PVT1: variants seen among roughly 807,000 people sequenced by gnomAD.
PVT1 encodes CXCR4/PVT1 fusion.
chr8:127,839,369 G>T (rs974233874), intron 2 of PVT1, among the ~76,000 whole-genome samples: 2 of 151,730 alleles, frequency 1.3e-5, no homozygotes, highest in Non-Finnish European at 2.9e-5. Context: ...GCAACAGAGG[G>T]AGACCCTACC....
intron 2 of PVT1, among the ~76,000 whole-genome samples, chr8:127,857,023 C>G (rs1263137554): frequency 6.6e-6 from 1 of 151,674 alleles, no homozygotes; most frequent in Non-Finnish European, 1.5e-5. Flanking sequence ...GTCAGAAGTT[C>G]GAGACCAGCC....
rs3041914 is a variant in PVT1 at position 128,058,378 on chromosome 8, A to ATGTGTGTGTG, written n.913-11758_913-11749dup. Among the ~76,000 whole-genome samples, 211 of 146,674 alleles carry ATGTGTGTGTG rather than the reference A, an allele frequency of 1.4e-3. 2 individuals are homozygous for ATGTGTGTGTG. The highest frequency in any genetic ancestry group is 1.6e-3 in the East Asian group (8 of 5,004). ...TGTAACTAATTAAACAAACTGATGC[A>ATGTGTGTGTG]TGTGTGTGTGTGTGTGTGTGTGTGT... On this transcript the variant is annotated intron_variant and non_coding_transcript_variant, in intron 4 of 10. Coordinates refer to ENST00000651587, the Ensembl canonical transcript of PVT1.
At chr8:127,937,572 C>CAGAGAGAGAG (rs1415361085) in intron 3 of PVT1, among the ~76,000 whole-genome samples, 5 of 99,744 alleles carry the variant, frequency 5.0e-5, no homozygotes, top group African/African-American at 1.3e-4. Flanking sequence ...CACACACACA[C>CAGAGAGAGAG]ACACACACAG....
At chr8:127,906,603 G>A (rs1047714059) in intron 3 of PVT1, among the ~76,000 whole-genome samples, 7 of 152,146 alleles carry the variant, frequency 4.6e-5, no homozygotes, top group African/African-American at 1.7e-4. Flanking sequence ...GGGGTTGAGA[G>A]GGGGATGGGG....
At chr8:127,955,326 T>G (rs1224690369) in intron 3 of PVT1, among the ~76,000 whole-genome samples, 1 of 152,224 alleles carries the variant, frequency 6.6e-6, no homozygotes, top group Non-Finnish European at 1.5e-5. Flanking sequence ...TCCAGAATTA[T>G]GAGAAAATAA....
chr8:127,844,859 G>A (rs1360163424), intron 2 of PVT1, among the ~76,000 whole-genome samples: 5 of 152,020 alleles, frequency 3.3e-5, no homozygotes, highest in Non-Finnish European at 7.4e-5. Flanking sequence ...AACTACAGGC[G>A]CCCACCACCA....
rs148647895 is a variant in PVT1, at chr8:127,875,587, TCTC to T, written n.373-14998_373-14996del. 4.2e-3 allele frequency among the ~76,000 whole-genome samples: 637 copies of T among 152,292 alleles called. 5 individuals carry two copies. The highest frequency in any genetic ancestry group is 0.015 in the African/African-American group (610 of 41,572). ...CTTGTTTTCTTTTCCATTTCCTTCT[TCTC>T]CTCTAAGGCGCTCCACATCTCCGTG... is the stretch of plus-strand genomic sequence containing the variant. On this transcript the variant is annotated intron_variant and non_coding_transcript_variant, in intron 2 of 10. Transcript: ENST00000651587.
At chr8:128,028,945 C>A (rs1813356875) in intron 4 of PVT1, among the ~76,000 whole-genome samples, 1 of 152,118 alleles carries the variant, frequency 6.6e-6, no homozygotes, top group African/African-American at 2.4e-5. Context: ...TGGGCTCAAG[C>A]AATCCTCCCA....
chr8:127,950,125 T>G (rs1028265464), intron 3 of PVT1, among the ~76,000 whole-genome samples: 6 of 152,172 alleles, frequency 3.9e-5, no homozygotes, highest in Non-Finnish European at 2.9e-5. Context: ...TCTCATTTAA[T>G]CCTTTTAATA....
In PVT1 at chr8:128,084,455, T is replaced by C. The variant is rs190070852; in HGVS notation, n.1115-12063T>C. Among the ~76,000 whole-genome samples the C allele has an allele frequency of 1.7e-3, 259 of 152,246 alleles. 1 individual carries two copies. Among genetic ancestry groups the C allele is most frequent in the African/African-American group, 6.0e-3 (249 of 41,538 alleles). On this transcript the variant is annotated intron_variant and non_coding_transcript_variant, in intron 5 of 10. Coordinates refer to ENST00000651587, the Ensembl canonical transcript of PVT1. ...TCTGACCACTCCCTCTAAAAGAGTT[T>C]CCCCCGCCCCTCATTTCCCATCATT...
intron 2 of PVT1, among the ~76,000 whole-genome samples, chr8:127,845,664 G>A (rs1188929690): frequency 1.3e-5 from 2 of 152,162 alleles, no homozygotes; most frequent in Non-Finnish European, 2.9e-5. Context: ...ATGACCCAGA[G>A]CATTCTGGAA....
chr8:127,983,388 G>C (rs1432800623), intron 3 of PVT1, among the ~76,000 whole-genome samples: 2 of 152,134 alleles, frequency 1.3e-5, no homozygotes, highest in African/African-American at 4.8e-5. Flanking sequence ...GTTTTTTTGA[G>C]AAAGGCTTTG....
chr8:127,826,052 G>A (rs886727176), intron 2 of PVT1, among the ~76,000 whole-genome samples: 1 of 131,358 alleles, frequency 7.6e-6, no homozygotes, highest in African/African-American at 3.0e-5. Flanking sequence ...TAGAGATGAG[G>A]TCTTGTTATG....
At chr8:127,981,358 A>G (rs144140695) in intron 3 of PVT1, among the ~76,000 whole-genome samples, 1 of 152,284 alleles carries the variant, frequency 6.6e-6, no homozygotes, top group Non-Finnish European at 1.5e-5. Context: ...TTGCCAGTAG[A>G]GTTCGGCATT....
At chr8:127,913,516 C>G (rs541251459) in intron 3 of PVT1, among the ~76,000 whole-genome samples, 2 of 152,264 alleles carry the variant, frequency 1.3e-5, no homozygotes, top group South Asian at 4.1e-4. Flanking sequence ...GGCAGTTAAG[C>G]CTGGGTTCTG....
At chr8:128,042,329 A>T (rs952631202) in intron 4 of PVT1, among the ~76,000 whole-genome samples, 1 of 152,218 alleles carries the variant, frequency 6.6e-6, no homozygotes, top group Non-Finnish European at 1.5e-5. Context: ...TTAGAGAAGT[A>T]TTATTTCTCT....
chr8:127,881,378 TATC>T (rs1362066277), intron 2 of PVT1, among the ~76,000 whole-genome samples: 7 of 149,458 alleles, frequency 4.7e-5, no homozygotes, highest in South Asian at 2.1e-4. Flanking sequence ...TTATTATTAT[TATC>T]ATTTGTTTTT....
At chr8:128,058,013 G>A (rs1407563846) in intron 4 of PVT1, among the ~76,000 whole-genome samples, 1 of 152,208 alleles carries the variant, frequency 6.6e-6, no homozygotes, top group Admixed American at 6.5e-5. Flanking sequence ...AGGGTAAGAG[G>A]CTGGACCCTT....
chr8:127,868,819 A>C (rs1482016413), intron 2 of PVT1, among the ~76,000 whole-genome samples: 1 of 139,422 alleles, frequency 7.2e-6, no homozygotes, highest in South Asian at 2.1e-4. Flanking sequence ...ATATATATAT[A>C]TGTATGTATT....
Sources: gnomAD v4.1 joint callset for allele counts (sites outside exome capture counted in the v4.1 genomes callset) on GRCh38, gnomAD v4.1.1 for gene constraint, MANE v1.5 for transcripts, NCBI Gene and HGNC (gene_info 2026-07-23, HGNC 2026-07-21) for gene names.